RNF19B: variants seen among roughly 807,000 people sequenced by gnomAD.
RNF19B encodes the protein ring finger protein 19B.
In RNF19B, 23 loss-of-function variants were observed where a neutral mutation model predicts 65.5. The observed-to-expected ratio is 0.35, with a 90% CI of 0.25 to 0.50. The LOEUF (loss-of-function observed/expected upper bound fraction) is 0.50, where lower values mean the gene tolerates loss of function less well. RNF19B is among the 20% of genes least tolerant of loss of function. The pLI is 0.98. For synonymous variants in RNF19B, 372 were observed against 379.6 expected (o/e 0.98, Z 0.23); for missense variants, 794 against 980.0 (o/e 0.81, Z 2.53).
chr1:32,949,788 C>G lies in RNF19B; in HGVS notation c.636-14G>C. 6.2e-7 allele frequency: 1 copy of G among 1,600,536 alleles called. No individual in the cohort carries two copies. Among genetic ancestry groups the G allele is most frequent in the Non-Finnish European group, 8.5e-7 (1 of 1,170,726 alleles). On this transcript the variant is annotated splice_polypyrimidine_tract_variant and intron_variant, in intron 1 of 8. Transcript: ENST00000235150. The stretch of plus-strand genomic sequence containing the variant: ...ATAACAGCATAACTAGGTAAGGAAA[C>G]AGTAAGAGATACCAGTAAGGTAAGA...
At chr1:32,932,941 C>T (rs916588508), downstream of RNF19B, among the ~76,000 whole-genome samples, 15 of 152,186 alleles carry the variant, frequency 9.9e-5, no homozygotes, top group African/African-American at 2.9e-4. Context: ...CCTAGATATT[C>T]ACATAGTTCT....
chr1:32,935,743 G>T (rs180685844), downstream of RNF19B, among the ~76,000 whole-genome samples: 509 of 151,896 alleles, frequency 3.4e-3, 3 homozygotes, highest in African/African-American at 0.011. Flanking sequence ...TTGTAACCAT[G>T]CAACATTCAC....
chr1:32,954,297 T>C (rs1281747963), intron 1 of RNF19B, among the ~76,000 whole-genome samples: 2 of 151,636 alleles, frequency 1.3e-5, no homozygotes, highest in Non-Finnish European at 2.9e-5. Context: ...GCCAAGGAAG[T>C]AAAATAACCC....
At position 32,944,217 on chromosome 1, in the gene RNF19B, C is replaced by A. The variant is rs142629039; in HGVS notation, c.1262-58G>T. 19 of 1,547,154 alleles carry A rather than the reference C, an allele frequency of 1.2e-5. No individual in the cohort carries two copies. The East Asian group carries it at 2.9e-4, about 23-fold the overall frequency. ...TATTAGGTTGCAAGTGCCCTGAATT[C>A]TTCTTCCCAGTCTGGGCATGGACAA... On this transcript the variant is annotated intron_variant, in intron 5 of 8. Transcript: ENST00000235150.
chr1:32,940,499 G>A (rs969200601), intron 7 of RNF19B, among the ~76,000 whole-genome samples: 1 of 152,156 alleles, frequency 6.6e-6, no homozygotes, highest in Non-Finnish European at 1.5e-5. Flanking sequence ...ATCTACTAAA[G>A]TAGCCTTTTT....
intron 5 of RNF19B, among the ~76,000 whole-genome samples, chr1:32,944,881 G>C (rs904053359): frequency 2.0e-5 from 3 of 152,006 alleles, no homozygotes; most frequent in Non-Finnish European, 4.4e-5. Context: ...GTAGAGATGG[G>C]GTTTCACCGT....
chr1:32,956,344 T>C lies in RNF19B; in HGVS notation c.636-6570A>G, dbSNP rs552701175. ...GTGAGCCGAGATTGCACCACTGCACTCCAGCCTGGGTGACAGAGTGAGACT... is the reference window on the plus strand; with the variant it reads ...GTGAGCCGAGATTGCACCACTGCACCCCAGCCTGGGTGACAGAGTGAGACT... On this transcript the variant is annotated intron_variant, in intron 1 of 8. Transcript: ENST00000235150. 1.3e-4 allele frequency among the ~76,000 whole-genome samples: 20 copies of C among 152,288 alleles called. No homozygotes were observed. In the South Asian group the frequency reaches 3.9e-3, roughly 30 times the overall value.
At chr1:32,948,080 G>C in intron 3 of RNF19B, 142 bp downstream of exon 3, 1 of 745,546 alleles carries the variant, frequency 1.3e-6, no homozygotes, top group Non-Finnish European at 2.2e-6. Context: ...GTGAAAACAT[G>C]ATTAGAGGAG....
At chr1:32,953,269 T>C (rs972189185) in intron 1 of RNF19B, among the ~76,000 whole-genome samples, 14 of 151,998 alleles carry the variant, frequency 9.2e-5, no homozygotes, top group Non-Finnish European at 1.6e-4. Context: ...CCACCAAGCT[T>C]GGTCTATGAC....
chr1:32,961,631 A>AC (rs1476120845), intron 1 of RNF19B, among the ~76,000 whole-genome samples: 2 of 152,274 alleles, frequency 1.3e-5, no homozygotes, highest in African/African-American at 4.8e-5. Context: ...GATGACACAT[A>AC]TAAAAAAATA....
intron 1 of RNF19B, among the ~76,000 whole-genome samples, chr1:32,962,112 G>A (rs797009964): frequency 2.5e-4 from 38 of 152,180 alleles, no homozygotes; most frequent in African/African-American, 8.9e-4. Flanking sequence ...GGGACTACAG[G>A]TGTGCACCAC....
At position 32,964,557 on chromosome 1, in the gene RNF19B, G is replaced by C. The variant is rs1452160958; in HGVS notation, c.129C>G (p.Ala43=). The C allele has an allele frequency of 7.5e-7, 1 of 1,330,526 alleles. No individual in the cohort carries two copies. The highest frequency in any genetic ancestry group is 9.7e-7 in the Non-Finnish European group (1 of 1,033,370). 82.4% of individuals were successfully genotyped at this position (1,330,526 alleles called of 1,614,324 possible). A position where few individuals can be genotyped will look rare whatever the true frequency, so the allele number is the denominator to read the frequency against. Residue 43 remains alanine (A), a synonymous_variant, in exon 1 of 9, where the codon GCC becomes GCG. Transcript: ENST00000235150. The surrounding 1 kb of genome is among the most constrained non-coding windows in gnomAD (Gnocchi z 6.5). The part of the protein sequence containing the change: ...LTLHSVFSAS[A]RGRRARAKPQ... ...GCTTGGCCCGGGCGCGGCGGCCGCG[G>C]GCCGAGGCAGAGAAGACGCTGTGCA...
chr1:32,938,295 G>A lies in RNF19B; in HGVS notation c.1742+102C>T, dbSNP rs190397196. ...TTCACAGGTTACACTATATATCCCA[G>A]GAGATGGTACATACAGCCCTAACAT... is the stretch of plus-strand genomic sequence containing the variant. On this transcript the variant is annotated intron_variant, in intron 8 of 8. Coordinates refer to ENST00000235150, the MANE Select transcript of RNF19B (RefSeq NM_001300826.2). 7.5e-5 allele frequency: 93 copies of A among 1,237,164 alleles called. No homozygotes were observed. In the East Asian group the frequency reaches 2.1e-3, roughly 28 times the overall value. The allele number at this position is 1,237,164 out of a possible 1,614,324, so 76.6% of individuals were successfully genotyped here.
intron 1 of RNF19B, among the ~76,000 whole-genome samples, chr1:32,951,636 C>T (rs1175114848): frequency 1.3e-5 from 2 of 152,208 alleles, no homozygotes; most frequent in African/African-American, 4.8e-5. Flanking sequence ...GACTTATGAT[C>T]AGCATCCCTC....
chr1:32,946,471 C>T lies in RNF19B; in HGVS notation c.1077G>A (p.Gly359=), dbSNP rs201926593. The T allele has an allele frequency of 1.4e-4, 228 of 1,614,058 alleles. 3 individuals are homozygous for T. In the East Asian group the frequency reaches 5.0e-3, roughly 35 times the overall value. The change falls in exon 4 of 9, where the codon GGG becomes GGA. Residue 359 remains glycine (G), a synonymous_variant. Coordinates refer to ENST00000235150, the MANE Select transcript of RNF19B (RefSeq NM_001300826.2). ...TGGCAATGCCAGCAATGAGAGAAAT[C>T]CCCACTGGAGCACCAATCAACGTGC... ...QLGTLIGAPV[G]ISLIAGIAIP...
chr1:32,942,913 G>T (rs1345752547), intron 6 of RNF19B, among the ~76,000 whole-genome samples: 1 of 152,132 alleles, frequency 6.6e-6, no homozygotes, highest in East Asian at 1.9e-4. Context: ...GGCCGAGGCG[G>T]GCGGATCACG....
At chr1:32,930,469 G>A in the RNF19B span, among the ~76,000 whole-genome samples, 2 of 151,330 alleles carry the variant, frequency 1.3e-5, no homozygotes, top group East Asian at 2.0e-4. Flanking sequence ...GCAGTGGCAC[G>A]ATCATAGTTC....
chr1:32,943,590 T>C (rs928209545), intron 6 of RNF19B, among the ~76,000 whole-genome samples: 6 of 151,108 alleles, frequency 4.0e-5, no homozygotes, highest in African/African-American at 1.5e-4. Flanking sequence ...TACTCCAGCC[T>C]GGGTGACAGA....
At chr1:32,952,960 C>CA (rs1461108649) in intron 1 of RNF19B, among the ~76,000 whole-genome samples, 1 of 139,032 alleles carries the variant, frequency 7.2e-6, no homozygotes, top group African/African-American at 2.7e-5. Context: ...GTTAATCACA[C>CA]AATTTTTTTT....
Sources: gnomAD v4.1 joint callset for allele counts (sites outside exome capture counted in the v4.1 genomes callset) on GRCh38, gnomAD v4.1.1 for gene constraint, Gnocchi (gnomAD v3.1) non-coding constraint, MANE v1.5 for transcripts, NCBI Gene and HGNC (gene_info 2026-07-23, HGNC 2026-07-21) for gene names.